The following FBXL13 variants were observed in gnomAD, a reference collection of about 807,000 sequenced individuals.
The protein encoded by FBXL13 is F-box and leucine-rich repeat protein 13.
Under a neutral mutation model 83.6 loss-of-function variants are expected in FBXL13, and 67 were observed. That is an observed-to-expected ratio of 0.80 (90% CI 0.66 to 0.98). The LOEUF (loss-of-function observed/expected upper bound fraction) is 0.98, where lower values mean the gene tolerates loss of function less well. FBXL13 is among the 50% of genes least tolerant of loss of function. FBXL13 has a pLI of 0.00. For missense variants in FBXL13, 822 were observed against 866.5 expected (o/e 0.95, Z 0.64); for synonymous variants, 272 against 299.5 (o/e 0.91, Z 0.95).
intron 11 of FBXL13, among the ~76,000 whole-genome samples, chr7:102,911,681 A>C (rs1471311602): frequency 2.6e-5 from 4 of 152,238 alleles, no homozygotes; most frequent in Non-Finnish European, 4.4e-5. Flanking sequence ...CAGAGAAAGA[A>C]CTTATAATTC....
At chr7:102,843,437 TCAAAAACAAAAA>T (rs112263544) in intron 17 of FBXL13, among the ~76,000 whole-genome samples, 1 of 151,024 alleles carries the variant, frequency 6.6e-6, no homozygotes, top group Admixed American at 6.6e-5. Context: ...AAACTCCATC[TCAAAAACAAAAA>T]CAAAAACAAA....
chr7:102,963,904 C>T (rs534961976), intron 7 of FBXL13, among the ~76,000 whole-genome samples: 1 of 152,150 alleles, frequency 6.6e-6, no homozygotes, highest in African/African-American at 2.4e-5. Context: ...GCAAAAACAA[C>T]CCCATAAAAA....
At chr7:102,870,615 G>A (rs908274878) in intron 16 of FBXL13, among the ~76,000 whole-genome samples, 7 of 152,338 alleles carry the variant, frequency 4.6e-5, no homozygotes, top group Non-Finnish European at 1.0e-4. Context: ...GAAAGGTCCT[G>A]AGGTAGGAAG....
chr7:102,867,861 T>C (rs1009448385), intron 16 of FBXL13, among the ~76,000 whole-genome samples: 3 of 151,338 alleles, frequency 2.0e-5, no homozygotes, highest in Admixed American at 2.0e-4. Context: ...CCACCATGCC[T>C]GGCTAATTTT....
At chr7:103,035,271 A>G (rs1794961524) in intron 2 of FBXL13, among the ~76,000 whole-genome samples, 1 of 152,178 alleles carries the variant, frequency 6.6e-6, no homozygotes, top group Non-Finnish European at 1.5e-5. Flanking sequence ...TTCCAGACAG[A>G]CACTAGGAGG....
chr7:102,933,839 A>G, intron 8 of FBXL13: 1 of 1,439,638 alleles, frequency 6.9e-7, no homozygotes, highest in Non-Finnish European at 9.3e-7. Flanking sequence ...AAGATTACCC[A>G]GACTTGGATT....
intron 17 of FBXL13, among the ~76,000 whole-genome samples, chr7:102,833,492 G>A (rs977080474): frequency 1.3e-5 from 2 of 149,834 alleles, no homozygotes; most frequent in African/African-American, 2.5e-5. Flanking sequence ...GAGTGCAATG[G>A]TGCAATCTGA....
chr7:102,826,749 A>ATATATATATG (rs1562911262), intron 18 of FBXL13, among the ~76,000 whole-genome samples: 1 of 103,120 alleles, frequency 9.7e-6, no homozygotes, highest in East Asian at 3.2e-4. Flanking sequence ...ATATATATAT[A>ATATATATATG]TATATATATA....
At chr7:102,887,781 T>C (rs755993765) in intron 11 of FBXL13, among the ~76,000 whole-genome samples, 1 of 152,140 alleles carries the variant, frequency 6.6e-6, no homozygotes, top group Non-Finnish European at 1.5e-5. Context: ...TGCAACAACA[T>C]TTACACTGGT....
At chr7:102,941,420 C>G (rs1184097198) in intron 8 of FBXL13, among the ~76,000 whole-genome samples, 1 of 152,102 alleles carries the variant, frequency 6.6e-6, no homozygotes, top group Non-Finnish European at 1.5e-5. Context: ...ACTTCCCAAG[C>G]CCCTACCTAG....
intron 8 of FBXL13, among the ~76,000 whole-genome samples, chr7:102,940,707 TC>T (rs763977762): frequency 2.6e-5 from 4 of 152,180 alleles, no homozygotes; most frequent in Non-Finnish European, 5.9e-5. Context: ...ATCCTTCAAA[TC>T]TCTTCTCCAT....
chr7:102,915,725 C>T (rs554288751), intron 10 of FBXL13, among the ~76,000 whole-genome samples: 1 of 115,988 alleles, frequency 8.6e-6, no homozygotes, highest in East Asian at 2.8e-4. Flanking sequence ...TACATAATTA[C>T]CAAATAAAAA....
intron 18 of FBXL13, 27 bp from the exon 20 acceptor site, chr7:102,822,230 G>A: frequency 6.2e-7 from 1 of 1,610,048 alleles, no homozygotes; most frequent in Non-Finnish European, 8.5e-7. Context: ...AGTAAGTACT[G>A]GTTATTCAAA....
At chr7:102,930,192 A>T (rs935819074) in intron 9 of FBXL13, among the ~76,000 whole-genome samples, 1 of 152,120 alleles carries the variant, frequency 6.6e-6, no homozygotes, top group Admixed American at 6.5e-5. Context: ...TGAGGCTGAG[A>T]GGTAGCAGGG....
At chr7:103,019,281 CAA>C (rs1792810505) in intron 6 of FBXL13, among the ~76,000 whole-genome samples, 1 of 152,238 alleles carries the variant, frequency 6.6e-6, no homozygotes, top group Admixed American at 6.5e-5. Flanking sequence ...CCAATGAGAA[CAA>C]AGAGACAACA....
chr7:102,822,152 T>C, exon 19 of FBXL13: 1 of 1,614,174 alleles, frequency 6.2e-7, no homozygotes, highest in Non-Finnish European at 8.5e-7. Context: ...ATATCCAAAA[T>C]GTGCAGGTAA....
intron 17 of FBXL13, among the ~76,000 whole-genome samples, chr7:102,837,421 T>C (rs1802187658): frequency 6.6e-6 from 1 of 152,214 alleles, no homozygotes; most frequent in Non-Finnish European, 1.5e-5. Flanking sequence ...CCAAAGACAC[T>C]TTCATGATGA....
intron 10 of FBXL13, among the ~76,000 whole-genome samples, chr7:102,920,686 C>A (rs1816800044): frequency 6.6e-6 from 1 of 151,844 alleles, no homozygotes; most frequent in Admixed American, 6.6e-5. Flanking sequence ...ATCTTTTAAA[C>A]TGCTCTCTTA....
chr7:103,024,931 G>A (rs554896148), intron 6 of FBXL13, 132 bp downstream of exon 7: 7 of 350,340 alleles, frequency 2.0e-5, no homozygotes, highest in Non-Finnish European at 3.2e-5. Context: ...TGTGATCTCG[G>A]CTCACTGCAA....
Sources: allele counts gnomAD v4.1 joint callset (sites outside exome capture counted in the v4.1 genomes callset), GRCh38; gene constraint gnomAD v4.1.1; transcripts MANE v1.5; gene names NCBI Gene and HGNC (gene_info 2026-07-23, HGNC 2026-07-21).